LIPC: variants seen among roughly 807,000 people sequenced by gnomAD.
LIPC encodes the protein lipase C, hepatic type, also known as hepatic triacylglycerol lipase.
In LIPC, 44 loss-of-function variants were observed where a neutral mutation model predicts 50.7. That is an observed-to-expected ratio of 0.87 (90% CI 0.68 to 1.11). The LOEUF is 1.11. Ranked by LOEUF, LIPC falls within the 50% of genes most tolerant of loss-of-function variation. LIPC has a pLI of 0.00. For synonymous variants in LIPC, 271 were observed against 256.4 expected (o/e 1.06, Z -0.54); for missense variants, 697 against 648.2 (o/e 1.08, Z -0.82).
chr15:58,559,716 A>AAC (rs1894091853), intron 6 of LIPC, among the ~76,000 whole-genome samples: 2 of 78,486 alleles, frequency 2.5e-5, no homozygotes, highest in African/African-American at 8.8e-5. Flanking sequence ...AAAAAAAAAA[A>AAC]AAAAAAAAAC....
At chr15:58,446,783 G>A (rs143578599) in intron 1 of LIPC, among the ~76,000 whole-genome samples, 425 of 152,272 alleles carry the variant, frequency 2.8e-3, no homozygotes, top group African/African-American at 9.3e-3. Flanking sequence ...CATGGAGCAG[G>A]CACGTGGCAA....
chr15:58,479,337 T>C (rs992471029), intron 1 of LIPC, among the ~76,000 whole-genome samples: 3 of 152,200 alleles, frequency 2.0e-5, no homozygotes, highest in African/African-American at 7.2e-5. Flanking sequence ...TAATGCAGAG[T>C]TCTAGTGTTC....
chr15:58,537,801 C>T (rs948548279), intron 1 of LIPC, among the ~76,000 whole-genome samples: 3 of 152,170 alleles, frequency 2.0e-5, no homozygotes, highest in Admixed American at 6.5e-5. Flanking sequence ...CCCACACTCA[C>T]CCCTGTACCT....
At chr15:58,536,740 T>G (rs1893136427) in intron 1 of LIPC, among the ~76,000 whole-genome samples, 1 of 152,164 alleles carries the variant, frequency 6.6e-6, no homozygotes, top group Non-Finnish European at 1.5e-5. Context: ...CTCAGAAAAG[T>G]TATTCAAATT....
At chr15:58,501,622 G>A (rs1158966570) in intron 1 of LIPC, among the ~76,000 whole-genome samples, 1 of 152,060 alleles carries the variant, frequency 6.6e-6, no homozygotes, top group Non-Finnish European at 1.5e-5. Context: ...ACATCTGATT[G>A]GGCCTAATCA....
chr15:58,499,413 C>G (rs1891893806), intron 1 of LIPC, among the ~76,000 whole-genome samples: 1 of 152,196 alleles, frequency 6.6e-6, no homozygotes, highest in Admixed American at 6.5e-5. Flanking sequence ...CTCCCAGGCC[C>G]TAAACTAGGA....
At chr15:58,443,900 G>A (rs563186) in intron 1 of LIPC, among the ~76,000 whole-genome samples, 46,734 of 151,752 alleles carry the variant, frequency 0.31, 7,314 homozygotes, top group Admixed American at 0.38. Context: ...GGAGAGAATT[G>A]CAAAGAACCT....
At chr15:58,453,350 C>G (rs1205853381) in intron 1 of LIPC, among the ~76,000 whole-genome samples, 5 of 152,108 alleles carry the variant, frequency 3.3e-5, no homozygotes, top group Non-Finnish European at 4.4e-5. Flanking sequence ...ACAATATGAC[C>G]ATTTCTGCCT....
intron 1 of LIPC, among the ~76,000 whole-genome samples, chr15:58,518,132 T>C (rs561919938): frequency 1.3e-5 from 2 of 152,346 alleles, no homozygotes; most frequent in East Asian, 1.9e-4. Flanking sequence ...GTCCTGTGCA[T>C]TGAAGGGTGT....
At chr15:58,544,974 A>C (rs1469645464) in intron 4 of LIPC, among the ~76,000 whole-genome samples, 5 of 152,192 alleles carry the variant, frequency 3.3e-5, no homozygotes, top group African/African-American at 1.2e-4. Flanking sequence ...ACTTGCACAC[A>C]ACATTTTCAC....
At chr15:58,489,235 T>C (rs1891493932) in intron 1 of LIPC, among the ~76,000 whole-genome samples, 1 of 100,608 alleles carries the variant, frequency 9.9e-6, no homozygotes, top group Admixed American at 1.3e-4. Context: ...GGGGGGCGGC[T>C]TACAAGCTTC....
At chr15:58,517,760 T>G (rs1203126596) in intron 1 of LIPC, among the ~76,000 whole-genome samples, 1 of 152,206 alleles carries the variant, frequency 6.6e-6, no homozygotes, top group Non-Finnish European at 1.5e-5. Context: ...CACAGTCAAA[T>G]AAAACAATAA....
chr15:58,563,677 C>G lies in LIPC; in HGVS notation c.1342C>G (p.Leu448Val), dbSNP rs537148607. Residue 448 changes from leucine (L) to valine (V), a missense_variant, in exon 8 of 9, where the codon CTC (leucine) becomes GTC (valine). By Grantham distance (32) the Leu-to-Val change is conservative. Coordinates refer to ENST00000299022, the MANE Select transcript of LIPC (RefSeq NM_000236.3). ...GAGCACAGGGCCGCGCCACTCAGGC[C>G]TCGTTCTGAAGACGATCAGAGTCAA... ...PWSTGPRHSG[L>V]VLKTIRVKAG... is the part of the protein sequence containing the mutation. 1 of 1,613,952 alleles carries G rather than the reference C, an allele frequency of 6.2e-7. No individual in the cohort carries two copies. The highest frequency in any genetic ancestry group is 2.2e-5 in the East Asian group (1 of 44,890).
chr15:58,506,619 G>T (rs1892156297), intron 1 of LIPC, among the ~76,000 whole-genome samples: 1 of 152,172 alleles, frequency 6.6e-6, no homozygotes, highest in South Asian at 2.1e-4. Context: ...TTCTCTACAT[G>T]ATACAGACTG....
intron 1 of LIPC, among the ~76,000 whole-genome samples, chr15:58,525,021 T>C (rs1566938532): frequency 2.6e-5 from 4 of 151,080 alleles, no homozygotes. Context: ...AATTAGCCCA[T>C]ATTTTTTTTC....
At chr15:58,549,763 G>C (rs1230639183) in intron 6 of LIPC, among the ~76,000 whole-genome samples, 1 of 152,224 alleles carries the variant, frequency 6.6e-6, no homozygotes, top group Non-Finnish European at 1.5e-5. Flanking sequence ...AGCATCTGAA[G>C]AGTAGTTGGT....
At chr15:58,470,676 C>T (rs117783313) in intron 1 of LIPC, among the ~76,000 whole-genome samples, 3,146 of 150,230 alleles carry the variant, frequency 0.021, 244 homozygotes, top group East Asian at 0.15. Context: ...CTCGGCTCAC[C>T]GCAACCTCCG....
intron 6 of LIPC, among the ~76,000 whole-genome samples, chr15:58,552,544 C>G (rs944017125): frequency 9.9e-5 from 15 of 152,208 alleles, no homozygotes; most frequent in Non-Finnish European, 1.8e-4. Context: ...CTCCCCCGCC[C>G]CCTCACCCAC....
chr15:58,566,363 T>A, intron 8 of LIPC: 1 of 985,464 alleles, frequency 1.0e-6, no homozygotes, highest in Non-Finnish European at 1.2e-6. Flanking sequence ...AAACTCACAT[T>A]TTAACTTCAC....
Sources: gnomAD v4.1 joint callset for allele counts (sites outside exome capture counted in the v4.1 genomes callset) on GRCh38, gnomAD v4.1.1 for gene constraint, MANE v1.5 for transcripts, NCBI Gene and HGNC (gene_info 2026-07-23, HGNC 2026-07-21) for gene names.